Variants in SUPT3H observed in about 807,000 individuals in gnomAD.
SUPT3H encodes the protein SPT3 homolog, SAGA and STAGA complex component, also known as transcription initiation protein SPT3 homolog.
SUPT3H carries 44 observed loss-of-function variants against 44.3 expected under a neutral mutation model. The ratio of observed to expected loss-of-function variants is 0.99; its 90% CI spans 0.78 to 1.28. The LOEUF (loss-of-function observed/expected upper bound fraction) is 1.28, where lower values mean the gene tolerates loss of function less well. Ranked by LOEUF, SUPT3H falls within the 50% of genes most tolerant of loss-of-function variation. SUPT3H has a pLI of 0.00. For missense variants in SUPT3H, 380 were observed against 387.1 expected (o/e 0.98, Z 0.15); for synonymous variants, 124 against 125.6 (o/e 0.99, Z 0.09).
chr6:45,091,876 T>C (rs1562441635), intron 3 of SUPT3H, among the ~76,000 whole-genome samples: 1 of 151,936 alleles, frequency 6.6e-6, no homozygotes, highest in Non-Finnish European at 1.5e-5. Context: ...TATAAAATTT[T>C]TGGTCATTTT....
In SUPT3H at chr6:45,201,294, C is replaced by A. The variant is rs200382718; in HGVS notation, c.102-95288G>T. On this transcript the variant is annotated intron_variant, in intron 2 of 10. Transcript: ENST00000371459. ...AAATGCAAATAATCTCATACTGCAA[C>A]TTGCCAACTTAAAATGCAAGAATTC... Among the ~76,000 whole-genome samples, 11 of 151,710 alleles carry A rather than the reference C, an allele frequency of 7.3e-5. No homozygotes were observed. In the East Asian group the frequency reaches 2.1e-3, roughly 29 times the overall value.
At chr6:45,219,895 T>C (rs1765721132) in intron 2 of SUPT3H, among the ~76,000 whole-genome samples, 1 of 151,372 alleles carries the variant, frequency 6.6e-6, no homozygotes, top group African/African-American at 2.4e-5. Flanking sequence ...AAAAATTAGC[T>C]GGGTGTGGTG....
In SUPT3H at chr6:45,261,563, T is replaced by C. The variant is rs548379692; in HGVS notation, c.101+103638A>G. On this transcript the variant is annotated intron_variant, in intron 2 of 10. Transcript: ENST00000371459. ...ATGTTAAAAACTCTCACCAATGGCA[T>C]CAAAGGAACATACCTCAAATAGTAA... 3.3e-5 allele frequency among the ~76,000 whole-genome samples: 5 copies of C among 152,054 alleles called. No homozygotes were observed. The East Asian group carries it at 7.7e-4, about 24-fold the overall frequency.
At chr6:45,277,466 T>C (rs553577538) in intron 2 of SUPT3H, among the ~76,000 whole-genome samples, 1 of 152,164 alleles carries the variant, frequency 6.6e-6, no homozygotes, top group Non-Finnish European at 1.5e-5. Flanking sequence ...ATCAGTGGGA[T>C]GGATACAATC....
Position 44,827,971 on chromosome 6 carries a change from C to T in SUPT3H, c.*1845G>A, listed in dbSNP as rs547799297. Among the ~76,000 whole-genome samples the T allele has an allele frequency of 6.6e-6, 1 of 152,158 alleles. No homozygotes were observed. Among genetic ancestry groups the T allele is most frequent in the East Asian group, 1.9e-4 (1 of 5,184 alleles). ...CTGTCATATTTCTGAGAGAAATGTA[C>T]ATTGAGTCTTCCTTCTCTGGGACTA... On this transcript the variant is annotated 3_prime_UTR_variant, in exon 11 of 11. Transcript: ENST00000371459.
At chr6:44,851,617 T>C (rs1213314970) in intron 10 of SUPT3H, among the ~76,000 whole-genome samples, 2 of 152,366 alleles carry the variant, frequency 1.3e-5, no homozygotes, top group Admixed American at 1.3e-4. Context: ...GGTTAGCCTT[T>C]TGAATTTCCA....
chr6:44,832,827 G>GTAA (rs1769095807), intron 10 of SUPT3H, among the ~76,000 whole-genome samples: 1 of 152,004 alleles, frequency 6.6e-6, no homozygotes, highest in Non-Finnish European at 1.5e-5. Flanking sequence ...GCACTGTGGG[G>GTAA]TAATTAATTT....
chr6:45,358,733 A>G (rs1793699492), intron 2 of SUPT3H, among the ~76,000 whole-genome samples: 1 of 152,164 alleles, frequency 6.6e-6, no homozygotes, highest in Non-Finnish European at 1.5e-5. Context: ...CAGATTTTTG[A>G]AAGTTAATAC....
At chr6:45,113,453 TCTATGATTTTACCCAC>T (rs1800367380) in intron 2 of SUPT3H, among the ~76,000 whole-genome samples, 1 of 152,226 alleles carries the variant, frequency 6.6e-6, no homozygotes, top group Admixed American at 6.5e-5. Flanking sequence ...CTTTCACAAA[TCTATGATTTTACCCAC>T]CTGTTTTCAA....
intron 2 of SUPT3H, among the ~76,000 whole-genome samples, chr6:45,230,686 A>ATATATATATTTTTTTTTTTTTT (rs796866510): frequency 8.6e-6 from 1 of 116,790 alleles, no homozygotes; most frequent in Non-Finnish European, 1.8e-5. Flanking sequence ...ATATATATAT[A>ATATATATATTTTTTTTTTTTTT]TTTTTGAGAT....
intron 2 of SUPT3H, among the ~76,000 whole-genome samples, chr6:45,162,525 A>G (rs1368604893): frequency 6.6e-6 from 1 of 152,192 alleles, no homozygotes; most frequent in Non-Finnish European, 1.5e-5. Flanking sequence ...CCTCAACTCT[A>G]AAACAAAAAC....
downstream of SUPT3H, among the ~76,000 whole-genome samples, chr6:44,826,679 A>T (rs889561063): frequency 6.6e-6 from 1 of 152,226 alleles, no homozygotes; most frequent in Non-Finnish European, 1.5e-5. Flanking sequence ...TACGTAAAAA[A>T]ATTCATAAAA....
intron 3 of SUPT3H, among the ~76,000 whole-genome samples, chr6:45,062,872 C>T (rs920950445): frequency 1.2e-4 from 19 of 152,098 alleles, no homozygotes; most frequent in African/African-American, 2.9e-4. Context: ...AAGGCGGCAG[C>T]GAGGCTGGGG....
intron 3 of SUPT3H, among the ~76,000 whole-genome samples, chr6:45,053,930 A>T (rs1297173860): frequency 2.0e-5 from 3 of 150,162 alleles, no homozygotes; most frequent in Non-Finnish European, 4.4e-5. Context: ...AAAAAAAAAA[A>T]AAAGTCACTC....
intron 2 of SUPT3H, among the ~76,000 whole-genome samples, chr6:45,289,803 T>G: frequency 6.6e-6 from 1 of 152,170 alleles, no homozygotes; most frequent in Non-Finnish European, 1.5e-5. Flanking sequence ...GTTTAGATTT[T>G]AAACAAAAAA....
At chr6:44,816,039 A>C (rs1448625505) in intron 11 of SUPT3H, among the ~76,000 whole-genome samples, 2 of 152,154 alleles carry the variant, frequency 1.3e-5, no homozygotes, top group African/African-American at 2.4e-5. Flanking sequence ...ATGTATTATA[A>C]AATTAAACTA....
downstream of SUPT3H, among the ~76,000 whole-genome samples, chr6:44,826,682 T>A (rs1255261183): frequency 6.6e-6 from 1 of 152,226 alleles, no homozygotes; most frequent in Non-Finnish European, 1.5e-5. Flanking sequence ...GTAAAAAAAT[T>A]CATAAAATTA....
intron 10 of SUPT3H, among the ~76,000 whole-genome samples, chr6:44,859,157 C>G (rs1295471734): frequency 2.6e-5 from 4 of 152,120 alleles, no homozygotes; most frequent in African/African-American, 9.7e-5. Flanking sequence ...AGTTGCCTAG[C>G]CCTGAACCAG....
At position 45,283,665 on chromosome 6, in the gene SUPT3H, T is replaced by C. The variant is rs548484288; in HGVS notation, c.101+81536A>G. On this transcript the variant is annotated intron_variant, in intron 2 of 10. Coordinates refer to ENST00000371459, the MANE Select transcript of SUPT3H (RefSeq NM_003599.4). The stretch of plus-strand genomic sequence containing the variant: ...GACTTTAACACCCCACTGTCAACAC[T>C]AGACAGACCAACGAGACAGAAAGTT... Among the ~76,000 whole-genome samples, 5 of 151,900 alleles carry C rather than the reference T, an allele frequency of 3.3e-5. No homozygotes were observed. The South Asian group carries it at 8.4e-4, about 25-fold the overall frequency.
Sources: allele counts gnomAD v4.1 joint callset (sites outside exome capture counted in the v4.1 genomes callset), GRCh38; gene constraint gnomAD v4.1.1; transcripts MANE v1.5; gene names NCBI Gene and HGNC (gene_info 2026-07-23, HGNC 2026-07-21).